CAPN12: variants seen among roughly 807,000 people sequenced by gnomAD.
CAPN12 encodes the protein calpain-12.
CAPN12 carries 107 observed loss-of-function variants against 95.0 expected under a neutral mutation model. The ratio of observed to expected loss-of-function variants is 1.13; its 90% CI spans 0.96 to 1.32. CAPN12 has a LOEUF of 1.32. CAPN12 is among the 40% of genes most tolerant of loss of function. The pLI, the probability that CAPN12 is intolerant of heterozygous loss-of-function variation, is 0.00. For missense variants in CAPN12, 1,136 were observed against 997.8 expected (o/e 1.14, Z -1.87); for synonymous variants, 505 against 415.5 (o/e 1.22, Z -2.62).
intron 4 of CAPN12, among the ~76,000 whole-genome samples, 182 bp from the exon 5 acceptor site, chr19:38,740,401 T>A (rs1052590067): frequency 6.6e-6 from 1 of 152,078 alleles, no homozygotes; most frequent in Non-Finnish European, 1.5e-5. Context: ...CGTGATCTCA[T>A]CTCACTGTAG....
chr19:38,741,626 G>T (rs1245496250), intron 4 of CAPN12, 151 bp downstream of exon 4: 4 of 825,710 alleles, frequency 4.8e-6, no homozygotes, highest in Non-Finnish European at 7.3e-6. Context: ...GTGATGTTGT[G>T]ATATGAGGGT....
At chr19:38,740,635 A>C (rs1359902140) in intron 4 of CAPN12, among the ~76,000 whole-genome samples, 3 of 152,154 alleles carry the variant, frequency 2.0e-5, no homozygotes, top group Non-Finnish European at 4.4e-5. Flanking sequence ...CCCCGTCTCT[A>C]CTAAAAATAC....
At position 38,736,577 on chromosome 19, in the gene CAPN12, G is replaced by C. The variant is rs775505546; in HGVS notation, c.1363-14C>G. The C allele has an allele frequency of 5.0e-6, 8 of 1,605,540 alleles. No individual in the cohort carries two copies. The highest frequency in any genetic ancestry group is 1.7e-4 in the Middle Eastern group (1 of 6,040). On this transcript the variant is annotated splice_polypyrimidine_tract_variant and intron_variant, in intron 10 of 20. Coordinates refer to ENST00000328867, the MANE Select transcript of CAPN12 (RefSeq NM_144691.4). ...CTCCTCTGGAATCTGAAAGAAGCAA[G>C]AGCAAGGGGCGTCGGGGCAGGGGAG...
intron 3 of CAPN12, 45 bp from the exon 4 acceptor site, chr19:38,741,955 AC>A: frequency 6.2e-7 from 1 of 1,600,582 alleles, no homozygotes; most frequent in Non-Finnish European, 8.5e-7. Flanking sequence ...CCAACCTCCA[AC>A]CCTGCCTGGG....
chr19:38,736,227 A>G lies in CAPN12; in HGVS notation c.1466T>C (p.Val489Ala). The change falls in exon 12 of 21, where the codon GTG (valine) becomes GCG (alanine). Residue 489 changes from valine to alanine, a missense_variant. Val to Ala is a moderately conservative substitution (Grantham distance 64). Transcript: ENST00000328867. ...DRSPLSARRD[V>A]TRRCCLRPGH... is the part of the protein sequence containing the mutation. ...TGGACGCAGGCAGCAGCGGCGGGTC[A>G]CGTCGCGGCGGGCGCTGAGGGGCGA... The G allele has an allele frequency of 1.3e-6, 2 of 1,496,592 alleles. No homozygotes were observed. The highest frequency in any genetic ancestry group is 1.8e-6 in the Non-Finnish European group (2 of 1,128,902). 92.7% of individuals were successfully genotyped at this position (1,496,592 alleles called of 1,614,324 possible).
chr19:38,733,520 T>A, intron 18 of CAPN12, 183 bp downstream of exon 18: 1 of 572,298 alleles, frequency 1.7e-6, no homozygotes, highest in Non-Finnish European at 3.1e-6. Context: ...CTTGCCCTTC[T>A]CCTTCCTTAT....
Position 38,743,042 on chromosome 19 carries a change from C to T in CAPN12, c.298G>A (p.Gly100Arg). 2 of 1,613,874 alleles carry T rather than the reference C, an allele frequency of 1.2e-6. No individual in the cohort carries two copies. Among genetic ancestry groups the T allele is most frequent in the Non-Finnish European group, 1.7e-6 (2 of 1,179,924 alleles). The change falls in exon 2 of 21, where the codon GGG becomes AGG. Residue 100 changes from glycine (G) to arginine (R), a missense_variant. Transcript: ENST00000328867. The part of the protein sequence containing the change: ...EDMSRTDVCQ[G>R]SLGNCWFLAA... ...GGGTTCAGGGTCTCACCCAGGCTCCCCTGACACACGTCTGTGCGGCTCATG... is the reference window on the plus strand; with the variant it reads ...GGGTTCAGGGTCTCACCCAGGCTCCTCTGACACACGTCTGTGCGGCTCATG...
Position 38,730,279 on chromosome 19 carries a change from C to T in CAPN12, c.*573G>A, listed in dbSNP as rs1383761085. The T allele has an allele frequency of 1.9e-5, 3 of 162,124 alleles. No homozygotes were observed. Among genetic ancestry groups the T allele is most frequent in the African/African-American group, 4.8e-5 (2 of 41,438 alleles). 10.0% of individuals were successfully genotyped at this position (162,124 alleles called of 1,614,324 possible). A position where few individuals can be genotyped will look rare whatever the true frequency, so the allele number is the denominator to read the frequency against. Reference sequence around the variant, plus strand: ...ACATATCTCTGCCGTCTCTCCTGCTCTCATAATGAAGACATAGCCGATTCT... The same window carrying T: ...ACATATCTCTGCCGTCTCTCCTGCTTTCATAATGAAGACATAGCCGATTCT... On this transcript the variant is annotated 3_prime_UTR_variant, in exon 21 of 21. Coordinates refer to ENST00000328867, the MANE Select transcript of CAPN12 (RefSeq NM_144691.4).
rs1412620108 is a variant in CAPN12 at position 38,735,938 on chromosome 19, G to C, written c.1583+172C>G. ...GGGGCGGGGCGGGGCGGGGGTTCTG[G>C]GGGCGGGGCGGGGCGGGGGTTCTGG... On this transcript the variant is annotated intron_variant, in intron 12 of 20. Transcript: ENST00000328867. Among the ~76,000 whole-genome samples the C allele has an allele frequency of 2.0e-3, 9 of 4,528 alleles. 2 individuals carry two copies. The highest frequency in any genetic ancestry group is 0.056 in the South Asian group (2 of 36). 3.0% of individuals were successfully genotyped at this position (4,528 alleles called of 152,430 possible).
At chr19:38,743,401 G>T (rs28539917) in intron 1 of CAPN12, among the ~76,000 whole-genome samples, 53 of 52,122 alleles carry the variant, frequency 1.0e-3, no homozygotes, top group African/African-American at 2.3e-3. Flanking sequence ...CAGGAGTCCA[G>T]GTCCCGAGCC....
chr19:38,738,269 T>C lies in CAPN12; in HGVS notation c.965+4A>G. ...AGGCAGAGCTGGGACCCTGACGAAC[T>C]GACCAGAACTCGCCATCCTCCTTTT... On this transcript the variant is annotated splice_donor_region_variant and intron_variant, in intron 8 of 20. Coordinates refer to ENST00000328867, the MANE Select transcript of CAPN12 (RefSeq NM_144691.4). 1 of 1,611,952 alleles carries C rather than the reference T, an allele frequency of 6.2e-7. No individual in the cohort carries two copies.
Position 38,740,715 on chromosome 19 carries a change from G to A in CAPN12, c.561-496C>T, listed in dbSNP as rs557274243. Among the ~76,000 whole-genome samples the A allele has an allele frequency of 5.3e-5, 8 of 151,976 alleles. No individual in the cohort carries two copies. In the South Asian group the frequency reaches 1.5e-3, roughly 28 times the overall value. On this transcript the variant is annotated intron_variant, in intron 4 of 20. Coordinates refer to ENST00000328867, the MANE Select transcript of CAPN12 (RefSeq NM_144691.4). ...CTCGGGAGGCTGAGGCAGGAGAATC[G>A]CTTGAACTCGGGAGGCGAAGGTTGC... is the stretch of plus-strand genomic sequence containing the variant.
rs1408439668 is a variant in CAPN12, at chr19:38,740,145, C to G, written c.635G>C (p.Gly212Ala). 6.2e-7 allele frequency: 1 copy of G among 1,613,646 alleles called. No homozygotes were observed. The highest frequency in any genetic ancestry group is 8.5e-7 in the Non-Finnish European group (1 of 1,179,808). ...EAFVDFTGGV[G>A]EVLYLRQNSM... ...GTTTTGTCTCAGATAGAGCACCTCG[C>G]CCACGCCGCCTGTGAAATCCACAAA... The change falls in exon 5 of 21, where the codon GGC becomes GCC. Residue 212 changes from glycine to alanine, a missense_variant. By Grantham distance (60) the Gly-to-Ala change is moderately conservative. Coordinates refer to ENST00000328867, the MANE Select transcript of CAPN12 (RefSeq NM_144691.4).
At chr19:38,740,664 G>A (rs934958121) in intron 4 of CAPN12, among the ~76,000 whole-genome samples, 3 of 152,276 alleles carry the variant, frequency 2.0e-5, no homozygotes, top group Non-Finnish European at 2.9e-5. Flanking sequence ...GCTGGGCGTG[G>A]TGGCACATGC....
At position 38,738,583 on chromosome 19, in the gene CAPN12, G is replaced by A. The variant is rs750891200; in HGVS notation, c.795C>T (p.Gly265=). 6.2e-7 allele frequency: 1 copy of A among 1,613,996 alleles called. No homozygotes were observed. Among genetic ancestry groups the A allele is most frequent in the Non-Finnish European group, 8.5e-7 (1 of 1,180,006 alleles). Residue 265 remains glycine, a synonymous_variant, in exon 6 of 21, where the codon GGC becomes GGT. Transcript: ENST00000328867. The part of the protein sequence containing the change: ...LVKGHAYSIT[G]THKVFLGFTK... The stretch of plus-strand genomic sequence containing the variant: ...CATGGGGGACACTTACCTTGTGTGT[G>A]CCCGTGATGGAATACGCGTGTCCCT...
Position 38,730,766 on chromosome 19 carries a change from A to G in CAPN12, c.*86T>C. On this transcript the variant is annotated 3_prime_UTR_variant, in exon 21 of 21. Transcript: ENST00000328867. Reference sequence around the variant, plus strand: ...CCCCAGACAGGTGGATGCCAGAGAGAGTGGCACCCATGCCAGGCAAGGCCT... The same window carrying G: ...CCCCAGACAGGTGGATGCCAGAGAGGGTGGCACCCATGCCAGGCAAGGCCT... 1 of 1,475,058 alleles carries G rather than the reference A, an allele frequency of 6.8e-7. No individual in the cohort carries two copies. The highest frequency in any genetic ancestry group is 1.4e-5 in the African/African-American group (1 of 71,606). The allele number at this position is 1,475,058 out of a possible 1,614,324, so 91.4% of individuals were successfully genotyped here. A position where few individuals can be genotyped will look rare whatever the true frequency, so the allele number is the denominator to read the frequency against.
intron 20 of CAPN12, 42 bp from the exon 21 acceptor site, chr19:38,730,920 C>G (rs73554721): frequency 2.6e-6 from 4 of 1,550,440 alleles, no homozygotes; most frequent in African/African-American, 2.7e-5. Context: ...GCAGGGAGCT[C>G]GCAGGACAGA....
rs374244189 is a variant in CAPN12 at position 38,740,031 on chromosome 19, T to C, written c.729+20A>G. On this transcript the variant is annotated intron_variant, in intron 5 of 20. Coordinates refer to ENST00000328867, the MANE Select transcript of CAPN12 (RefSeq NM_144691.4). ...CTCTGGTCCTGGTGGGGGTTCCGCA[T>C]GCGAGTCCAGGTCTCTTACCAGGGC... The C allele has an allele frequency of 1.7e-5, 26 of 1,538,184 alleles. No homozygotes were observed. Among genetic ancestry groups the C allele is most frequent in the Non-Finnish European group, 2.3e-5 (26 of 1,142,298 alleles).
chr19:38,736,918 C>CCCT (rs1970221607), intron 10 of CAPN12: 2 of 339,330 alleles, frequency 5.9e-6, no homozygotes, highest in Non-Finnish European at 1.1e-5. Context: ...CCCTACTAGC[C>CCCT]CCCTACTCCC....
Sources: allele counts gnomAD v4.1 joint callset (sites outside exome capture counted in the v4.1 genomes callset), GRCh38; gene constraint gnomAD v4.1.1; transcripts MANE v1.5; gene names NCBI Gene and HGNC (gene_info 2026-07-23, HGNC 2026-07-21).